The following FBRSL1 variants were observed in gnomAD, a reference collection of about 807,000 sequenced individuals.
FBRSL1 encodes fibrosin like 1, also known as fibrosin-1-like protein.
A neutral mutation model predicts 89.6 loss-of-function variants in FBRSL1; 51 were observed. That is an observed-to-expected ratio of 0.57 (90% CI 0.45 to 0.72). The LOEUF (loss-of-function observed/expected upper bound fraction) is 0.72, where lower values mean the gene tolerates loss of function less well. FBRSL1 is among the 30% of genes least tolerant of loss of function. The pLI, the probability that FBRSL1 is intolerant of heterozygous loss-of-function variation, is 0.00. For missense variants in FBRSL1, 1,618 were observed against 1,451.8 expected, an observed-to-expected ratio of 1.11 and a Z score of -1.86; for synonymous variants, 779 against 681.1, an observed-to-expected ratio of 1.14 and a Z score of -2.24.
Position 132,546,081 on chromosome 12 carries a change from C to T in FBRSL1, c.616-1922C>T, listed in dbSNP as rs1262300888. Among the ~76,000 whole-genome samples, 2 of 152,244 alleles carry T rather than the reference C, an allele frequency of 1.3e-5. No homozygotes were observed. Among genetic ancestry groups the T allele is most frequent in the Non-Finnish European group, 2.9e-5 (2 of 68,048 alleles). ...CCTCTTCCGGTCCCCTCAGCCCTGG[C>T]GTGTTCTGGCATGTTCCTCCCCTCC... On this transcript the variant is annotated intron_variant, in intron 4 of 18. Transcript: ENST00000680143. This position sits in a 1 kb window ranked among gnomAD's most constrained non-coding sequence, Gnocchi z 4.0.
rs1340977929 is a variant in FBRSL1 at position 132,570,354 on chromosome 12, C to G, written c.1027C>G (p.Leu343Val). Residue 343 changes from leucine to valine, a missense_variant, in exon 8 of 19, where the codon CTG becomes GTG. Coordinates refer to ENST00000680143, the MANE Select transcript of FBRSL1 (RefSeq NM_001367871.1). ...CCGCAGCAGGAGCAGCAGCGCCCCC[C>G]TGGGCCTGGGGAAGCACGTGTCGCT... ...HGLSRSSSAP[L>V]GLGKHVSLSP... 1 of 1,532,584 alleles carries G rather than the reference C, an allele frequency of 6.5e-7. No homozygotes were observed. The highest frequency in any genetic ancestry group is 8.7e-7 in the Non-Finnish European group (1 of 1,145,042). 94.9% of individuals were successfully genotyped at this position (1,532,584 alleles called of 1,614,324 possible). A position where few individuals can be genotyped will look rare whatever the true frequency, so the allele number is the denominator to read the frequency against.
rs866180576 is a variant in FBRSL1, at chr12:132,583,824, G to C, written c.*46G>C. The C allele has an allele frequency of 1.8e-6, 2 of 1,100,062 alleles. No individual in the cohort carries two copies. Among genetic ancestry groups the C allele is most frequent in the African/African-American group, 3.3e-5 (2 of 61,032 alleles). 68.1% of individuals were successfully genotyped at this position (1,100,062 alleles called of 1,614,324 possible). On this transcript the variant is annotated 3_prime_UTR_variant, in exon 19 of 19. Transcript: ENST00000680143. ...CTCCGAGCGGAGCGCACCGCTGTCC[G>C]TCTCTCCATCAGTTCCTAGAACTCA...
At chr12:132,564,034 G>A (rs372616539) in intron 5 of FBRSL1, among the ~76,000 whole-genome samples, 4 of 151,894 alleles carry the variant, frequency 2.6e-5, no homozygotes, top group East Asian at 1.9e-4. Flanking sequence ...CCGCGCTCAC[G>A]GTCACACGGC....
chr12:132,519,267 A>G (rs969597672), intron 2 of FBRSL1, among the ~76,000 whole-genome samples: 1 of 152,212 alleles, frequency 6.6e-6, no homozygotes. Flanking sequence ...AGAGACACTT[A>G]GGGGACTGTG....
intron 1 of FBRSL1, among the ~76,000 whole-genome samples, chr12:132,506,391 G>A (rs184857311): frequency 3.3e-5 from 5 of 152,300 alleles, no homozygotes; most frequent in East Asian, 3.9e-4. Context: ...GGTGTGGAGC[G>A]GGCCTGGGGG....
chr12:132,511,488 A>G (rs1671060593), intron 2 of FBRSL1: 1 of 985,982 alleles, frequency 1.0e-6, no homozygotes, highest in South Asian at 4.7e-5. Flanking sequence ...CTGGAGTCCA[A>G]GGCACGCCAC....
chr12:132,543,981 CCT>C (rs1209663917), intron 4 of FBRSL1, among the ~76,000 whole-genome samples: 6 of 152,204 alleles, frequency 3.9e-5, no homozygotes, highest in African/African-American at 1.4e-4. Flanking sequence ...GTCTGGAACC[CCT>C]GTCGGGTGCC....
At chr12:132,548,504 T>C (rs1169546598) in intron 5 of FBRSL1, among the ~76,000 whole-genome samples, 6 of 152,174 alleles carry the variant, frequency 3.9e-5, no homozygotes, top group Non-Finnish European at 8.8e-5. Context: ...TCACCCTCAG[T>C]GCTCAGGAGC....
intron 2 of FBRSL1, among the ~76,000 whole-genome samples, chr12:132,517,763 C>T (rs1238038707): frequency 6.6e-6 from 1 of 152,132 alleles, no homozygotes. Context: ...AGGGAAACCA[C>T]TGAGGGTTTT....
chr12:132,537,681 CTT>C (rs2036877639), intron 4 of FBRSL1, among the ~76,000 whole-genome samples: 1 of 152,190 alleles, frequency 6.6e-6, no homozygotes, highest in Non-Finnish European at 1.5e-5. Context: ...GTGCCCCAAT[CTT>C]TGTGACAGTT....
At chr12:132,567,020 G>T (rs547781487) in intron 5 of FBRSL1, among the ~76,000 whole-genome samples, 1 of 152,254 alleles carries the variant, frequency 6.6e-6, no homozygotes, top group East Asian at 1.9e-4. Flanking sequence ...TCGCCAGGGC[G>T]CCTGTGCTGG....
Position 132,574,301 on chromosome 12 carries a change from C to T in FBRSL1, c.1600-18C>T, listed in dbSNP as rs2040239686. 2 of 1,531,260 alleles carry T rather than the reference C, an allele frequency of 1.3e-6. No individual in the cohort carries two copies. Among genetic ancestry groups the T allele is most frequent in the East Asian group, 2.5e-5 (1 of 40,800 alleles). 94.9% of individuals were successfully genotyped at this position (1,531,260 alleles called of 1,614,324 possible). ...TCCTGAGGGGCCCGGACCTCACACT[C>T]CTTTCCTGTCTCCACAGGTGTCTGA... On this transcript the variant is annotated intron_variant, in intron 12 of 18. Transcript: ENST00000680143.
intron 1 of FBRSL1, among the ~76,000 whole-genome samples, chr12:132,495,139 G>C (rs2031786474): frequency 6.6e-6 from 1 of 152,232 alleles, no homozygotes; most frequent in African/African-American, 2.4e-5. Context: ...GAGGGTGTGA[G>C]GGACTGGCCC....
At chr12:132,514,841 A>G (rs962491588) in intron 2 of FBRSL1, among the ~76,000 whole-genome samples, 3 of 152,254 alleles carry the variant, frequency 2.0e-5, no homozygotes, top group Non-Finnish European at 2.9e-5. Context: ...AATTCATTTT[A>G]ATGAAGTATT....
intron 2 of FBRSL1, chr12:132,511,253 G>C: frequency 1.0e-6 from 1 of 985,458 alleles, no homozygotes; most frequent in Non-Finnish European, 1.2e-6. Flanking sequence ...TTGCCTGCAG[G>C]GTCTCCAGGC....
chr12:132,527,804 G>C, intron 3 of FBRSL1, 149 bp from the exon 4 acceptor site: 1 of 752,308 alleles, frequency 1.3e-6, no homozygotes. Flanking sequence ...TGAGGGCTTC[G>C]GGTCTGTGGA....
intron 2 of FBRSL1, among the ~76,000 whole-genome samples, chr12:132,512,315 T>A (rs2034437331): frequency 6.6e-6 from 1 of 152,236 alleles, no homozygotes; most frequent in South Asian, 2.1e-4. Context: ...CTGCATGGCC[T>A]GGGCACGCGT....
chr12:132,510,484 A>T, intron 2 of FBRSL1: 3 of 1,231,604 alleles, frequency 2.4e-6, no homozygotes, highest in Non-Finnish European at 3.0e-6. Flanking sequence ...TTTCCAGCCC[A>T]CTCCAGTGTG....
intron 2 of FBRSL1, chr12:132,510,340 C>G: frequency 8.1e-7 from 1 of 1,231,606 alleles, no homozygotes; most frequent in Non-Finnish European, 1.0e-6. Flanking sequence ...CCCCGGCTCT[C>G]GCTCCTGGCC....
Sources: gnomAD v4.1 joint callset for allele counts (sites outside exome capture counted in the v4.1 genomes callset) on GRCh38, gnomAD v4.1.1 for gene constraint, Gnocchi (gnomAD v3.1) non-coding constraint, MANE v1.5 for transcripts, NCBI Gene and HGNC (gene_info 2026-07-23, HGNC 2026-07-21) for gene names.